Variants in AFG3L2 observed in about 807,000 individuals in gnomAD.
AFG3L2 encodes mitochondrial inner membrane m-AAA protease component AFG3L2.
AFG3L2 carries 54 observed loss-of-function variants against 94.5 expected under a neutral mutation model. That is an observed-to-expected ratio of 0.57 (90% CI 0.46 to 0.72). The LOEUF (loss-of-function observed/expected upper bound fraction) is 0.72. AFG3L2 is among the 30% of genes least tolerant of loss of function. The pLI, the probability that AFG3L2 is intolerant of heterozygous loss-of-function variation, is 0.00. For synonymous variants in AFG3L2, 377 were observed against 365.5 expected, an observed-to-expected ratio of 1.03 and a Z score of -0.36; for missense variants, 754 against 994.9, an observed-to-expected ratio of 0.76 and a Z score of 3.26.
chr18:12,349,276 G>A lies in AFG3L2; in HGVS notation c.1553-893C>T, dbSNP rs143739991. 9.6e-4 allele frequency among the ~76,000 whole-genome samples: 146 copies of A among 152,278 alleles called. 1 individual carries two copies. Among genetic ancestry groups the A allele is most frequent in the African/African-American group, 3.4e-3 (142 of 41,564 alleles). On this transcript the variant is annotated intron_variant, in intron 12 of 16. Transcript: ENST00000269143. ...AAAGACAGTGACGAGTGCTGGCAAG[G>A]ATGTGGAGAAACTGGGACCCTCACA...
intron 14 of AFG3L2, 155 bp downstream of exon 14, chr18:12,343,977 G>A (rs1432878916): frequency 2.3e-4 from 158 of 684,244 alleles, no homozygotes; most frequent in African/African-American, 5.4e-5. Context: ...TCTATGGGAC[G>A]GTTTGTGCAA....
chr18:12,358,580 G>A (rs924953554), intron 8 of AFG3L2, 90 bp downstream of exon 8: 15 of 1,464,516 alleles, frequency 1.0e-5, no homozygotes, highest in African/African-American at 1.4e-5. Context: ...CAGAAAAACA[G>A]CTATCTATAA....
At position 12,360,224 on chromosome 18, in the gene AFG3L2, T is replaced by C. The variant is rs141822744; in HGVS notation, c.628-173A>G. On this transcript the variant is annotated intron_variant, in intron 6 of 16. Transcript: ENST00000269143. Reference sequence around the variant, plus strand: ...AATGGTGGTGATTAAATGTCACTCATTGAGAACACTTGGCAATTCTTGGCA... The same window carrying C: ...AATGGTGGTGATTAAATGTCACTCACTGAGAACACTTGGCAATTCTTGGCA... 2,076 of 638,568 alleles carry C rather than the reference T, an allele frequency of 3.3e-3. 16 individuals are homozygous for C. The highest frequency in any genetic ancestry group is 9.3e-3 in the East Asian group (332 of 35,558). The allele number at this position is 638,568 out of a possible 1,614,324, so 39.6% of individuals were successfully genotyped here.
chr18:12,364,071 G>A (rs1598836326), intron 5 of AFG3L2, among the ~76,000 whole-genome samples: 1 of 151,992 alleles, frequency 6.6e-6, no homozygotes, highest in East Asian at 1.9e-4. Flanking sequence ...GGGCTGCATT[G>A]CCCAAACCAC....
intron 8 of AFG3L2, among the ~76,000 whole-genome samples, chr18:12,358,258 C>A (rs951381748): frequency 6.6e-6 from 1 of 152,230 alleles, no homozygotes; most frequent in Non-Finnish European, 1.5e-5. Flanking sequence ...GTCCTCTCCA[C>A]TGGATCCTGT....
At chr18:12,352,334 A>T (rs1908342440) in intron 10 of AFG3L2, among the ~76,000 whole-genome samples, 1 of 152,158 alleles carries the variant, frequency 6.6e-6, no homozygotes, top group South Asian at 2.1e-4. Context: ...GCCTGGCTTC[A>T]TCATTGAAGC....
At chr18:12,337,714 A>C (rs149743888) in intron 15 of AFG3L2, among the ~76,000 whole-genome samples, 179 bp from the exon 16 acceptor site, 2 of 152,238 alleles carry the variant, frequency 1.3e-5, no homozygotes, top group Non-Finnish European at 2.9e-5. Context: ...AAGCCCAGGC[A>C]TAACACCTAC....
Position 12,367,018 on chromosome 18 carries a change from C to T in AFG3L2, c.499G>A (p.Gly167Arg), listed in dbSNP as rs1234429070. ...AAGTCCTTCCAAGTGATTTCTCTCC[C>T]GGATCTCTTGAGCAGCAAGTAAAAC... ...VMFYLLLKRS[G>R]REITWKDFVN... The change falls in exon 5 of 17, where the codon GGG becomes AGG. Residue 167 changes from glycine to arginine, a missense_variant. Physicochemically the swap from Gly to Arg is moderately radical, Grantham distance 125. This residue lies in a region of AFG3L2 where 130 missense variants were observed against 175.1 expected (regional missense o/e 0.74). Transcript: ENST00000269143. 3.1e-6 allele frequency: 5 copies of T among 1,614,030 alleles called. No individual in the cohort carries two copies. The African/African-American group carries it at 4.0e-5, about 13-fold the overall frequency.
rs113975619 is a variant in AFG3L2 at position 12,339,968 on chromosome 18, C to T, written c.1980+233G>A. Among the ~76,000 whole-genome samples, 15,293 of 152,062 alleles carry T rather than the reference C, an allele frequency of 0.1. 950 individuals carry two copies. Among genetic ancestry groups the T allele is most frequent in the East Asian group, 0.21 (1,104 of 5,162 alleles). ...CCAGGAGGCAGAGGTTGCAGTGAGC[C>T]AAGATAGAGCCACTGCACTCCAGCC... On this transcript the variant is annotated intron_variant, in intron 15 of 16. Coordinates refer to ENST00000269143, the MANE Select transcript of AFG3L2 (RefSeq NM_006796.3).
intron 16 of AFG3L2, among the ~76,000 whole-genome samples, chr18:12,334,734 T>TG (rs1365387545): frequency 6.6e-6 from 1 of 152,226 alleles, no homozygotes; most frequent in African/African-American, 2.4e-5. Context: ...CAAGCTGGTC[T>TG]GGTCTGTGTT....
At chr18:12,339,236 CAAAAAAAAAAA>C (rs539968042) in intron 15 of AFG3L2, among the ~76,000 whole-genome samples, 6 of 41,288 alleles carry the variant, frequency 1.5e-4, no homozygotes, top group African/African-American at 4.2e-4. Flanking sequence ...GACTCTGTCT[CAAAAAAAAAAA>C]AAAAAAAAAA....
intron 14 of AFG3L2, 84 bp downstream of exon 14, chr18:12,344,048 G>A: frequency 1.7e-6 from 2 of 1,207,112 alleles, no homozygotes; most frequent in East Asian, 2.3e-5. Flanking sequence ...CTCCTTTGCA[G>A]GAGTGTAGCT....
rs117182113 is a variant in AFG3L2 at position 12,329,645 on chromosome 18, G to A, written c.2314C>T (p.Leu772Phe). 4,209 of 1,614,152 alleles carry A rather than the reference G, an allele frequency of 2.6e-3. 6 individuals are homozygous for A. Among genetic ancestry groups the A allele is most frequent in the Non-Finnish European group, 3.3e-3 (3,859 of 1,180,036 alleles). The change falls in exon 17 of 17, where the codon CTT (leucine) becomes TTT (phenylalanine). Residue 772 changes from leucine (L) to phenylalanine (F), a missense_variant. This residue lies in a region of AFG3L2 where 279 missense variants were observed against 378.6 expected (regional missense o/e 0.74). Transcript: ENST00000269143. ...GTGSLDEDTS[L>F]PEGLKDWNKE... ...TTCCAGTCCTTAAGGCCTTCTGGAA[G>A]TGAGGTGTCCTCATCCAAGCTGCCA...
chr18:12,338,679 T>A (rs961868168), intron 15 of AFG3L2, among the ~76,000 whole-genome samples: 3 of 151,984 alleles, frequency 2.0e-5, no homozygotes, highest in African/African-American at 7.3e-5. Context: ...CATGTAAAAA[T>A]AGGCAATAGA....
In AFG3L2 at chr18:12,376,986, G is replaced by A; in HGVS notation, c.97C>T (p.Gln33Ter). 1 of 1,460,088 alleles carries A rather than the reference G, an allele frequency of 6.8e-7. No individual in the cohort carries two copies. Among genetic ancestry groups the A allele is most frequent in the South Asian group, 1.3e-5 (1 of 76,018 alleles). 90.4% of individuals were successfully genotyped at this position (1,460,088 alleles called of 1,614,324 possible). Residue 33 changes from glutamine (Q) to a stop codon, truncating the protein, a stop_gained, in exon 1 of 17, where the codon CAG becomes TAG. Coordinates refer to ENST00000269143, the MANE Select transcript of AFG3L2 (RefSeq NM_006796.3). LOFTEE classifies it high-confidence loss of function. ...GGACTCACCGTCCGGAGGCAGGGCT[G>A]CTCGCCCGGGCCCACGCCGCCAGGC... Reference protein sequence around the residue: ...LVPGGVGPGEQPCLRTLYRFV... With the variant: ...LVPGGVGPGE
At chr18:12,362,815 C>T (rs1163619539) in intron 6 of AFG3L2, among the ~76,000 whole-genome samples, 4 of 144,130 alleles carry the variant, frequency 2.8e-5, no homozygotes, top group South Asian at 2.1e-4. Flanking sequence ...ACACACATCC[C>T]TACTTTCTCC....
intron 10 of AFG3L2, 75 bp from the exon 11 acceptor site, chr18:12,351,488 T>C: frequency 3.3e-6 from 4 of 1,208,756 alleles, no homozygotes; most frequent in East Asian, 2.4e-5. Context: ...CAGGAACATA[T>C]GAGCACTGCA....
At chr18:12,353,841 A>G (rs1488956219) in intron 9 of AFG3L2, among the ~76,000 whole-genome samples, 2 of 152,222 alleles carry the variant, frequency 1.3e-5, no homozygotes, top group Non-Finnish European at 2.9e-5. Context: ...AGACTTCTCT[A>G]GAGTTCACAT....
chr18:12,367,323 G>A lies in AFG3L2; in HGVS notation c.352C>T (p.Arg118Ter), dbSNP rs1454825061. The change falls in exon 4 of 17, where the codon CGA becomes TGA. Residue 118 changes from arginine to a stop codon, truncating the protein, a stop_gained. Transcript: ENST00000269143. LOFTEE classifies it high-confidence loss of function. Reference sequence around the variant, plus strand: ...TGAGAATCATCTTTCTTGCCACCTCGTTTTCCACCGCCACCACCTCCTCCT... The same window carrying A: ...TGAGAATCATCTTTCTTGCCACCTCATTTTCCACCGCCACCACCTCCTCCT... The part of the protein sequence containing the change: ...SGGGGGGGGK[R>*]GGKKDDSHWW... 3.1e-6 allele frequency: 5 copies of A among 1,614,110 alleles called. No individual in the cohort carries two copies. The highest frequency in any genetic ancestry group is 2.2e-5 in the East Asian group (1 of 44,878).
Sources: allele counts gnomAD v4.1 joint callset (sites outside exome capture counted in the v4.1 genomes callset), GRCh38; gene constraint gnomAD v4.1.1; regional missense constraint gnomAD v4.1.1; transcripts MANE v1.5; gene names NCBI Gene and HGNC (gene_info 2026-07-23, HGNC 2026-07-21).